COL26A1: variants seen among roughly 807,000 people sequenced by gnomAD.
COL26A1 encodes collagen alpha-1(XXVI) chain.
COL26A1 carries 41 observed loss-of-function variants against 59.3 expected under a neutral mutation model. The observed-to-expected ratio is 0.69, with a 90% CI of 0.54 to 0.90. COL26A1 has a LOEUF of 0.90. Ranked by LOEUF, COL26A1 falls within the 40% of genes least tolerant of loss-of-function variation. COL26A1 has a pLI of 0.00. For missense variants in COL26A1, 612 were observed against 602.3 expected (o/e 1.02, Z -0.17); for synonymous variants, 266 against 256.0 (o/e 1.04, Z -0.37).
At chr7:101,532,260 A>T (rs1018988768) in intron 3 of COL26A1, among the ~76,000 whole-genome samples, 1 of 151,970 alleles carries the variant, frequency 6.6e-6, no homozygotes, top group African/African-American at 2.4e-5. Flanking sequence ...ACTTCCATCC[A>T]CTGCACACTC....
At position 101,420,105 on chromosome 7, in the gene COL26A1, G is replaced by C; in HGVS notation, c.281+6G>C. The C allele has an allele frequency of 6.2e-7, 1 of 1,612,420 alleles. No homozygotes were observed. Among genetic ancestry groups the C allele is most frequent in the Non-Finnish European group, 8.5e-7 (1 of 1,179,866 alleles). On this transcript the variant is annotated splice_donor_region_variant and intron_variant, in intron 2 of 12. Coordinates refer to ENST00000313669, the MANE Select transcript of COL26A1 (RefSeq NM_001278563.3). The stretch of plus-strand genomic sequence containing the variant: ...CCCTGCGCCAACCTCGTAAGGTAAA[G>C]GCCGCTGGGCTAGGCTGCTCTGCCC...
At chr7:101,547,694 G>A (rs1288296045) in intron 8 of COL26A1, among the ~76,000 whole-genome samples, 1 of 152,198 alleles carries the variant, frequency 6.6e-6, no homozygotes, top group Non-Finnish European at 1.5e-5. Context: ...TTTCTGCCCG[G>A]GAAGGGAGTC....
intron 3 of COL26A1, among the ~76,000 whole-genome samples, chr7:101,530,551 G>A (rs1795343695): frequency 7.3e-6 from 1 of 136,666 alleles, no homozygotes; most frequent in Admixed American, 7.5e-5. Flanking sequence ...GGTGACAAGA[G>A]TGAGACTCTG....
At position 101,511,192 on chromosome 7, in the gene COL26A1, G is replaced by A. The variant is rs144956815; in HGVS notation, c.386-21890G>A. 2.6e-3 allele frequency among the ~76,000 whole-genome samples: 389 copies of A among 152,230 alleles called. 1 individual carries two copies. The highest frequency in any genetic ancestry group is 9.1e-3 in the African/African-American group (378 of 41,540). ...GCTGGGATTACAGGCGTGAGCCACC[G>A]CACCCGGCCCATCTCACTTTTTTCA... On this transcript the variant is annotated intron_variant, in intron 3 of 12. Coordinates refer to ENST00000313669, the MANE Select transcript of COL26A1 (RefSeq NM_001278563.3).
At chr7:101,368,662 C>T (rs1460400016) in intron 1 of COL26A1, among the ~76,000 whole-genome samples, 1 of 152,034 alleles carries the variant, frequency 6.6e-6, no homozygotes, top group African/African-American at 2.4e-5. Flanking sequence ...CGGGTGTTGC[C>T]CTGGCAAATG....
At chr7:101,379,861 A>C (rs28428169) in intron 1 of COL26A1, among the ~76,000 whole-genome samples, 9,254 of 152,288 alleles carry the variant, frequency 0.061, 648 homozygotes, top group African/African-American at 0.16. Flanking sequence ...ATGGTCTAAA[A>C]AGGGAAGGCA....
chr7:101,428,381 A>C (rs1180454192), intron 2 of COL26A1, among the ~76,000 whole-genome samples: 1 of 151,682 alleles, frequency 6.6e-6, no homozygotes, highest in Non-Finnish European at 1.5e-5. Context: ...AAAGGCAAAG[A>C]GAATGATATT....
chr7:101,364,454 C>G (rs1490864562), intron 1 of COL26A1, among the ~76,000 whole-genome samples: 1 of 151,996 alleles, frequency 6.6e-6, no homozygotes, highest in Non-Finnish European at 1.5e-5. Flanking sequence ...TTCTTTTGAT[C>G]CTTAACAACC....
intron 1 of COL26A1, among the ~76,000 whole-genome samples, chr7:101,366,621 C>A (rs76354157): frequency 0.025 from 3,791 of 151,512 alleles, 153 homozygotes; most frequent in African/African-American, 0.08. Context: ...CCACCTCAGC[C>A]TCCTAAGTAG....
chr7:101,533,887 C>G (rs1018045725), intron 4 of COL26A1, among the ~76,000 whole-genome samples: 4 of 152,218 alleles, frequency 2.6e-5, no homozygotes, highest in African/African-American at 9.6e-5. Flanking sequence ...CATGCCAGCT[C>G]CTGTGGCTGG....
chr7:101,546,380 A>C (rs1795736118), intron 7 of COL26A1, among the ~76,000 whole-genome samples: 2 of 150,652 alleles, frequency 1.3e-5, no homozygotes, highest in Admixed American at 1.3e-4. Context: ...GACCCTAGGC[A>C]TGTATCGCCA....
At chr7:101,482,899 GTGA>G (rs1360420452) in intron 3 of COL26A1, among the ~76,000 whole-genome samples, 1 of 152,222 alleles carries the variant, frequency 6.6e-6, no homozygotes, top group African/African-American at 2.4e-5. Flanking sequence ...GGAGGTTGCA[GTGA>G]GACAAGATGG....
At chr7:101,547,339 C>T (rs1470632682) in intron 8 of COL26A1, 100 bp downstream of exon 8, 6 of 747,266 alleles carry the variant, frequency 8.0e-6, no homozygotes, top group Non-Finnish European at 1.3e-5. Flanking sequence ...GCTGGCGGTC[C>T]ATGGCTTCTG....
intron 1 of COL26A1, among the ~76,000 whole-genome samples, chr7:101,377,206 C>G (rs1791339262): frequency 6.6e-6 from 1 of 151,956 alleles, no homozygotes; most frequent in Non-Finnish European, 1.5e-5. Context: ...GGGGGTGTCA[C>G]TATGTTGTCC....
chr7:101,395,261 A>G (rs1166560256), intron 1 of COL26A1, among the ~76,000 whole-genome samples: 1 of 152,176 alleles, frequency 6.6e-6, no homozygotes, highest in East Asian at 1.9e-4. Context: ...CCTTATCCTG[A>G]GGAATTCTAA....
intron 3 of COL26A1, among the ~76,000 whole-genome samples, chr7:101,474,342 A>C (rs1793983644): frequency 6.6e-6 from 1 of 152,060 alleles, no homozygotes; most frequent in African/African-American, 2.4e-5. Flanking sequence ...TATGCCTGTA[A>C]TCCCAGCACT....
chr7:101,391,854 CTTTCTTTTCTTTTCTTTTCTTTTCT>C (rs139380820), intron 1 of COL26A1, among the ~76,000 whole-genome samples: 1 of 149,238 alleles, frequency 6.7e-6, no homozygotes, highest in Non-Finnish European at 1.5e-5. Context: ...CATGCCAAGC[CTTTCTTTTCTTTTCTTTTCTTTTCT>C]TTTCTTTTCT....
At chr7:101,412,382 T>G (rs984348541) in intron 1 of COL26A1, among the ~76,000 whole-genome samples, 5 of 152,118 alleles carry the variant, frequency 3.3e-5, no homozygotes, top group Non-Finnish European at 7.4e-5. Flanking sequence ...CAGTGGCTCA[T>G]GCCTGTAATC....
At chr7:101,433,736 G>T (rs560122422) in intron 2 of COL26A1, among the ~76,000 whole-genome samples, 15 of 152,050 alleles carry the variant, frequency 9.9e-5, no homozygotes, top group African/African-American at 3.6e-4. Flanking sequence ...AAAGAGGGGG[G>T]CCCTGTCAGA....
Sources: gnomAD v4.1 joint callset for allele counts (sites outside exome capture counted in the v4.1 genomes callset) on GRCh38, gnomAD v4.1.1 for gene constraint, MANE v1.5 for transcripts, NCBI Gene and HGNC (gene_info 2026-07-23, HGNC 2026-07-21) for gene names.